Variants in RCC2 observed in about 807,000 individuals in gnomAD.
RCC2 encodes regulator of chromosome condensation 2.
A neutral mutation model predicts 64.1 loss-of-function variants in RCC2; 19 were observed. That is an observed-to-expected ratio of 0.30 (90% CI 0.21 to 0.44). The LOEUF is 0.44. Among genes scored for constraint, RCC2 ranks in the 20% least tolerant of loss-of-function variants. The pLI, the probability that RCC2 is intolerant of heterozygous loss-of-function variation, is 1.00. For missense variants in RCC2, 508 were observed against 710.4 expected (o/e 0.72, Z 3.24); for synonymous variants, 325 against 279.6 (o/e 1.16, Z -1.62).
chr1:17,438,204 A>C (rs2075761767), intron 2 of RCC2, 26 bp downstream of exon 2: 1 of 1,201,138 alleles, frequency 8.3e-7, no homozygotes, highest in Non-Finnish European at 1.0e-6. Context: ...CCCTGCGCCC[A>C]CCCGTCTACC....
chr1:17,438,121 G>A (rs1286494578), intron 2 of RCC2, 109 bp downstream of exon 2: 2 of 838,172 alleles, frequency 2.4e-6, no homozygotes, highest in African/African-American at 1.8e-5. Context: ...CGGCCGCCGG[G>A]AGGGAGCGTG....
intron 8 of RCC2, among the ~76,000 whole-genome samples, chr1:17,415,488 G>A (rs1215870233): frequency 6.6e-6 from 1 of 150,840 alleles, no homozygotes; most frequent in African/African-American, 2.4e-5. Context: ...CGAGGCAGGT[G>A]GATCACGAGG....
At chr1:17,422,866 G>T (rs1557627732) in intron 4 of RCC2, 30 bp from the exon 5 acceptor site, 1 of 1,612,926 alleles carries the variant, frequency 6.2e-7, no homozygotes, top group African/African-American at 1.3e-5. Context: ...AAGTAGAAAA[G>T]AGAGAGGGTG....
chr1:17,434,614 C>G (rs76066702), intron 2 of RCC2, among the ~76,000 whole-genome samples: 2 of 152,200 alleles, frequency 1.3e-5, no homozygotes, highest in African/African-American at 4.8e-5. Flanking sequence ...GCTAGTTGGT[C>G]AGAAGCTACC....
intron 12 of RCC2, among the ~76,000 whole-genome samples, chr1:17,409,744 A>G (rs1358930953): frequency 1.3e-5 from 2 of 152,248 alleles, no homozygotes; most frequent in African/African-American, 4.8e-5. Flanking sequence ...AGTTGGTGCC[A>G]TCTGTCATCA....
chr1:17,418,528 A>T (rs2075515935), intron 7 of RCC2, among the ~76,000 whole-genome samples: 1 of 152,052 alleles, frequency 6.6e-6, no homozygotes, highest in African/African-American at 2.4e-5. Context: ...GTGGTGGCGC[A>T]CGCCTGTAGT....
At chr1:17,434,758 C>G (rs1388102603) in intron 2 of RCC2, among the ~76,000 whole-genome samples, 1 of 152,206 alleles carries the variant, frequency 6.6e-6, no homozygotes, top group African/African-American at 2.4e-5. Context: ...GTGTGTGCTG[C>G]AGAACTGATT....
chr1:17,408,796 A>C lies in RCC2; in HGVS notation c.*294T>G. ...AGGAAGAAAGAAAAAACTTAAAAAAAAAAAAAACCTAGATTGCTCAAAGTT... is the reference window on the plus strand; with the variant it reads ...AGGAAGAAAGAAAAAACTTAAAAAACAAAAAAACCTAGATTGCTCAAAGTT... On this transcript the variant is annotated 3_prime_UTR_variant, in exon 13 of 13. Transcript: ENST00000375436. 3.0e-6 allele frequency: 1 copy of C among 335,724 alleles called. No homozygotes were observed. Among genetic ancestry groups the C allele is most frequent in the Non-Finnish European group, 5.4e-6 (1 of 185,294 alleles). 20.8% of individuals were successfully genotyped at this position (335,724 alleles called of 1,614,324 possible).
intron 4 of RCC2, among the ~76,000 whole-genome samples, chr1:17,424,348 C>T (rs1204146442): frequency 6.6e-6 from 1 of 152,168 alleles, no homozygotes; most frequent in African/African-American, 2.4e-5. Flanking sequence ...TTCAGAGCCA[C>T]CACGCAAGTG....
At chr1:17,416,019 A>T (rs1485491833) in intron 8 of RCC2, among the ~76,000 whole-genome samples, 1 of 137,340 alleles carries the variant, frequency 7.3e-6, no homozygotes, top group Non-Finnish European at 1.5e-5. Context: ...TGGTGAGCCG[A>T]GATCACGCCA....
Position 17,411,697 on chromosome 1 carries a change from G to A in RCC2, c.1386+425C>T, listed in dbSNP as rs1040091569. On this transcript the variant is annotated intron_variant, in intron 11 of 12. Coordinates refer to ENST00000375436, the MANE Select transcript of RCC2 (RefSeq NM_018715.4). ...CATGAGTTCTAACCTCATCACTCAA[G>A]TAACTGGTATTAACAACAGAAACAC... 5.3e-5 allele frequency among the ~76,000 whole-genome samples: 8 copies of A among 152,046 alleles called. No homozygotes were observed. The East Asian group carries it at 5.8e-4, about 11-fold the overall frequency.
At chr1:17,435,115 C>T (rs1229202030) in intron 2 of RCC2, among the ~76,000 whole-genome samples, 1 of 152,004 alleles carries the variant, frequency 6.6e-6, no homozygotes, top group East Asian at 1.9e-4. Flanking sequence ...GTGGGGGGTG[C>T]GGAAGAAGTC....
chr1:17,420,349 A>G (rs548543687), intron 7 of RCC2, among the ~76,000 whole-genome samples: 2 of 152,280 alleles, frequency 1.3e-5, no homozygotes, highest in South Asian at 4.1e-4. Flanking sequence ...AACAACGTTC[A>G]TTTTCCGTAA....
At chr1:17,410,107 G>A (rs1472444868) in intron 11 of RCC2, 56 bp from the exon 12 acceptor site, 5 of 1,501,396 alleles carry the variant, frequency 3.3e-6, no homozygotes, top group Non-Finnish European at 4.6e-6. Context: ...CAGTCCACAA[G>A]TGGGGAATCA....
chr1:17,436,999 C>T lies in RCC2; in HGVS notation c.285+1231G>A, dbSNP rs187576604. The stretch of plus-strand genomic sequence containing the variant: ...TGACGGGCTCTCCTCCACTGCCTAA[C>T]ATGTTAACCCTTTCACCCAGAAGGC... On this transcript the variant is annotated intron_variant, in intron 2 of 12. Transcript: ENST00000375436. Among the ~76,000 whole-genome samples, 115 of 152,318 alleles carry T rather than the reference C, an allele frequency of 7.5e-4. 1 individual carries two copies. The highest frequency in any genetic ancestry group is 2.7e-3 in the African/African-American group (111 of 41,564).
chr1:17,438,724 C>T (rs536351224), intron 1 of RCC2, among the ~76,000 whole-genome samples: 8 of 152,114 alleles, frequency 5.3e-5, no homozygotes, highest in African/African-American at 1.9e-4. Flanking sequence ...TCGGGGAATC[C>T]CGCAGGGCAG....
chr1:17,420,107 T>A (rs1371742327), intron 7 of RCC2, among the ~76,000 whole-genome samples: 1 of 152,100 alleles, frequency 6.6e-6, no homozygotes, highest in Non-Finnish European at 1.5e-5. Context: ...GAAGCGCACT[T>A]CAGGGAACCG....
chr1:17,411,581 A>C (rs981525576), intron 11 of RCC2, among the ~76,000 whole-genome samples: 3 of 119,132 alleles, frequency 2.5e-5, no homozygotes, highest in Admixed American at 1.6e-4. Flanking sequence ...ACTCCATCTC[A>C]AAAAAAAAAA....
chr1:17,412,214 C>CA lies in RCC2; in HGVS notation c.1314-21dup. The CA allele has an allele frequency of 6.2e-7, 1 of 1,613,514 alleles. No individual in the cohort carries two copies. Among genetic ancestry groups the CA allele is most frequent in the South Asian group, 1.1e-5 (1 of 91,002 alleles). On this transcript the variant is annotated intron_variant, in intron 10 of 12. Transcript: ENST00000375436. ...CTCTTCCTGCAAACAGGCAGGCTGT[C>CA]ACTGCAGGGCCAGCAGCCCCAGACC...
Sources: allele counts gnomAD v4.1 joint callset (sites outside exome capture counted in the v4.1 genomes callset), GRCh38; gene constraint gnomAD v4.1.1; transcripts MANE v1.5; gene names NCBI Gene and HGNC (gene_info 2026-07-23, HGNC 2026-07-21).